CPSF4L: variants seen among roughly 807,000 people sequenced by gnomAD.
The protein encoded by CPSF4L is cleavage and polyadenylation specific factor 4 like, also known as putative cleavage and polyadenylation specificity factor subunit 4-like protein.
In CPSF4L, 18 loss-of-function variants were observed where a neutral mutation model predicts 24.0. The ratio of observed to expected loss-of-function variants is 0.75; its 90% CI spans 0.52 to 1.11. CPSF4L has a LOEUF of 1.11. Among genes scored for constraint, CPSF4L ranks in the 50% least tolerant of loss-of-function variants. The probability of loss-of-function intolerance (pLI) is 0.00; values close to 1 mark genes in which losing one functional copy is unlikely to be tolerated. For missense variants in CPSF4L, 211 were observed against 221.8 expected, an observed-to-expected ratio of 0.95 and a Z score of 0.31; for synonymous variants, 72 against 77.2, an observed-to-expected ratio of 0.93 and a Z score of 0.35.
intron 5 of CPSF4L, among the ~76,000 whole-genome samples, chr17:73,251,965 A>G (rs566559638): frequency 5.3e-5 from 8 of 152,236 alleles, no homozygotes; most frequent in South Asian, 2.1e-4. Context: ...CAGAGATTCT[A>G]GAGGTTGGAG....
chr17:73,250,441 C>A, intron 5 of CPSF4L: 2 of 1,178,646 alleles, frequency 1.7e-6, no homozygotes, highest in Non-Finnish European at 2.4e-6. Flanking sequence ...TTATTTCAGG[C>A]ATTCAAGCCC....
At chr17:73,261,639 C>T (rs902199984) in intron 1 of CPSF4L, 77 bp downstream of exon 1, 116 of 1,011,790 alleles carry the variant, frequency 1.1e-4, no homozygotes, top group Non-Finnish European at 2.0e-5. Flanking sequence ...CCAGCCTGGG[C>T]TACAGAGCGA....
intron 4 of CPSF4L, 116 bp downstream of exon 4, chr17:73,253,815 T>C: frequency 1.6e-6 from 1 of 624,858 alleles, no homozygotes; most frequent in Non-Finnish European, 2.8e-6. Flanking sequence ...CAGAAAGGCC[T>C]TCTATTTGGG....
At chr17:73,254,748 A>G (rs1440718941) in intron 3 of CPSF4L, among the ~76,000 whole-genome samples, 2 of 152,174 alleles carry the variant, frequency 1.3e-5, no homozygotes, top group Admixed American at 1.3e-4. Flanking sequence ...GGTTCAAGCA[A>G]TTCTCCTGCT....
chr17:73,254,013 GT>G lies in CPSF4L; in HGVS notation c.320del (p.Asn107ThrfsTer9). ...TCACATGGAGGAAGGAACACTCCTT[GT>G]TGCTGCAGTCACCTGAAAATCCCAG... is the stretch of plus-strand genomic sequence containing the variant. ...YFYSKFGDCSNKECSFLHVKP... is the reference protein window; with the variant it reads ...YFYSKFGDCSXKECSFLHVKP... On this transcript the variant is annotated frameshift_variant, in exon 4 of 6. Transcript: ENST00000344935. LOFTEE classifies it high-confidence loss of function. 1 of 1,551,522 alleles carries G rather than the reference GT, an allele frequency of 6.4e-7. No individual in the cohort carries two copies. Among genetic ancestry groups the G allele is most frequent in the Non-Finnish European group, 8.7e-7 (1 of 1,146,834 alleles).
chr17:73,257,617 T>G, intron 3 of CPSF4L, 64 bp downstream of exon 3: 1 of 1,517,860 alleles, frequency 6.6e-7, no homozygotes, highest in Non-Finnish European at 8.9e-7. Flanking sequence ...CTAGAAACCT[T>G]CCCATCTCAC....
At chr17:73,263,751 G>C (rs2062055331), upstream of CPSF4L, among the ~76,000 whole-genome samples, 1 of 150,312 alleles carries the variant, frequency 6.7e-6, no homozygotes, top group Non-Finnish European at 1.5e-5. Context: ...CTGAGGGATG[G>C]TCGGGGGAAG....
At chr17:73,250,417 CTTG>C (rs2062000325) in intron 5 of CPSF4L, 9 of 1,357,568 alleles carry the variant, frequency 6.6e-6, no homozygotes, top group Non-Finnish European at 9.1e-6. Flanking sequence ...ATGGATTCTG[CTTG>C]TTGGTGAAGC....
chr17:73,242,199 T>C, the CPSF4L span: 2 of 1,292,156 alleles, frequency 1.5e-6, no homozygotes, highest in East Asian at 2.4e-5. Flanking sequence ...GGGAAGGGGG[T>C]ACGTTTCGGT....
chr17:73,261,108 A>C, intron 1 of CPSF4L, 125 bp from the exon 2 acceptor site: 13 of 714,998 alleles, frequency 1.8e-5, no homozygotes, highest in Non-Finnish European at 2.1e-5. Flanking sequence ...GGGATCCCAA[A>C]TCTGGGCCCT....
At chr17:73,246,093 T>C (rs1232967243), downstream of CPSF4L, among the ~76,000 whole-genome samples, 1 of 152,188 alleles carries the variant, frequency 6.6e-6, no homozygotes, top group Non-Finnish European at 1.5e-5. Context: ...TAGGCAACGT[T>C]GATGGATAAG....
intron 4 of CPSF4L, 80 bp from the exon 5 acceptor site, chr17:73,252,803 G>T: frequency 1.1e-6 from 1 of 894,334 alleles, no homozygotes; most frequent in Non-Finnish European, 1.7e-6. Context: ...TCCCTAGGAA[G>T]GGTGTGGATG....
At position 73,257,794 on chromosome 17, in the gene CPSF4L, ATCT is replaced by A. The variant is rs1201591855; in HGVS notation, c.191_193del (p.Lys64del). 7.1e-6 allele frequency: 11 copies of A among 1,551,282 alleles called. No homozygotes were observed. Among genetic ancestry groups the A allele is most frequent in the African/African-American group, 2.7e-5 (2 of 72,906 alleles). On this transcript the variant is annotated inframe_deletion, in exon 3 of 6. Coordinates refer to ENST00000344935, the MANE Select transcript of CPSF4L (RefSeq NM_001129885.1). The stretch of plus-strand genomic sequence containing the variant: ...CCGGAGCCAGTGCTTGCATACCACC[ATCT>A]TCTCCCCTCGGTCATGTCGGAAGGG...
At chr17:73,251,012 G>T (rs2145274404) in intron 5 of CPSF4L, 4 of 1,549,324 alleles carry the variant, frequency 2.6e-6, no homozygotes, top group Middle Eastern at 3.3e-4. Context: ...TGATCCCCAG[G>T]CAGGAGAGCA....
Position 73,259,354 on chromosome 17 carries a change from TAAA to T in CPSF4L, c.155-1524_155-1522del, listed in dbSNP as rs59789741. 9.0e-3 allele frequency among the ~76,000 whole-genome samples: 1,346 copies of T among 150,166 alleles called. 6 individuals carry two copies. The highest frequency in any genetic ancestry group is 0.013 in the Non-Finnish European group (864 of 67,766). On this transcript the variant is annotated intron_variant, in intron 2 of 5. Transcript: ENST00000344935. ...GGTGTTCTTTCCATTTTTCCTTTTT[TAAA>T]AAAAAAAAATTATGTTTTGTAGAGA...
chr17:73,243,673 TG>T (rs1394132009), downstream of CPSF4L, among the ~76,000 whole-genome samples: 2 of 151,958 alleles, frequency 1.3e-5, no homozygotes, highest in East Asian at 3.9e-4. Flanking sequence ...GGACTACAGG[TG>T]TGTGTCACCA....
At position 73,257,771 on chromosome 17, in the gene CPSF4L, G is replaced by A. The variant is rs1310848360; in HGVS notation, c.217C>T (p.Arg73Trp). ...EKMVVCKHWL[R>W]GLCKKGDHCK... is the part of the protein sequence containing the mutation. ...TGATCACCCTTCTTGCAGAGCCCCC[G>A]GAGCCAGTGCTTGCATACCACCATC... is the stretch of plus-strand genomic sequence containing the variant. Residue 73 changes from arginine (R) to tryptophan (W), a missense_variant, in exon 3 of 6, where the codon CGG (arginine) becomes TGG (tryptophan). Arg to Trp is a moderately radical substitution (Grantham distance 101). Transcript: ENST00000344935. 15 of 1,551,438 alleles carry A rather than the reference G, an allele frequency of 9.7e-6. No individual in the cohort carries two copies. Among genetic ancestry groups the A allele is most frequent in the Middle Eastern group, 1.7e-4 (1 of 6,016 alleles).
intron 3 of CPSF4L, among the ~76,000 whole-genome samples, chr17:73,255,617 G>A (rs943983073): frequency 6.6e-6 from 1 of 151,882 alleles, no homozygotes; most frequent in Non-Finnish European, 1.5e-5. Flanking sequence ...AGGGCTCAGA[G>A]AGGGGAAAAG....
chr17:73,249,789 C>T (rs2061996460), intron 5 of CPSF4L: 1 of 153,152 alleles, frequency 6.5e-6, no homozygotes, highest in Non-Finnish European at 1.5e-5. Context: ...CCATAATACT[C>T]CACACATAAG....
Sources: gnomAD v4.1 joint callset for allele counts (sites outside exome capture counted in the v4.1 genomes callset) on GRCh38, gnomAD v4.1.1 for gene constraint, MANE v1.5 for transcripts, NCBI Gene and HGNC (gene_info 2026-07-23, HGNC 2026-07-21) for gene names.